NBAS: variants seen among roughly 807,000 people sequenced by gnomAD.
NBAS encodes the protein NBAS subunit of NRZ tethering complex, also known as NAG/BC035112 fusion.
NBAS carries 219 observed loss-of-function variants against 302.5 expected under a neutral mutation model. The ratio of observed to expected loss-of-function variants is 0.72; its 90% CI spans 0.65 to 0.81. NBAS has a LOEUF of 0.81. NBAS is among the 30% of genes least tolerant of loss of function. NBAS has a pLI of 0.00. For missense variants in NBAS, 2,932 were observed against 2,841.6 expected (o/e 1.03, Z -0.72); for synonymous variants, 1,118 against 1,021.6 (o/e 1.09, Z -1.80).
chr2:14,882,538 T>C, the NBAS span, among the ~76,000 whole-genome samples: 20 of 152,254 alleles, frequency 1.3e-4, no homozygotes, highest in African/African-American at 4.3e-4. Flanking sequence ...TCTCAGGCAA[T>C]GCATTTTCAC....
At chr2:14,814,170 C>A in the NBAS span, among the ~76,000 whole-genome samples, 8 of 152,328 alleles carry the variant, frequency 5.3e-5, no homozygotes, top group South Asian at 1.7e-3. Flanking sequence ...AGAACCTCTA[C>A]CAGATCAGTG....
chr2:15,303,609 G>A (rs531349472), intron 40 of NBAS, among the ~76,000 whole-genome samples: 1 of 152,108 alleles, frequency 6.6e-6, no homozygotes, highest in East Asian at 1.9e-4. Context: ...TGGAAAGAGT[G>A]GTGGCCAGAT....
At chr2:14,807,875 G>A in the NBAS span, among the ~76,000 whole-genome samples, 2 of 152,092 alleles carry the variant, frequency 1.3e-5, no homozygotes, top group Non-Finnish European at 2.9e-5. Flanking sequence ...CACAGTAGAT[G>A]TTGCAAAGGG....
At chr2:15,365,354 T>C (rs1282813975) in intron 32 of NBAS, among the ~76,000 whole-genome samples, 2 of 152,220 alleles carry the variant, frequency 1.3e-5, no homozygotes, top group African/African-American at 2.4e-5. Flanking sequence ...TGGATCCTTA[T>C]GGAATATTCC....
chr2:15,404,730 T>C lies in NBAS; in HGVS notation c.2938-2429A>G, dbSNP rs114568832. Among the ~76,000 whole-genome samples the C allele has an allele frequency of 6.7e-3, 1,023 of 151,978 alleles. 12 individuals are homozygous for C. The highest frequency in any genetic ancestry group is 0.022 in the African/African-American group (924 of 41,468). ...CTTTCACCATGTTGGCCAGGCTGGT[T>C]TCCAACTCTTGACCTAAGGTGATTC... On this transcript the variant is annotated intron_variant, in intron 25 of 51. Coordinates refer to ENST00000281513, the MANE Select transcript of NBAS (RefSeq NM_015909.4).
intron 44 of NBAS, among the ~76,000 whole-genome samples, chr2:15,253,301 G>T (rs888894355): frequency 6.6e-6 from 1 of 152,112 alleles, no homozygotes; most frequent in Non-Finnish European, 1.5e-5. Flanking sequence ...CATCCCAGGA[G>T]TTCAATCACC....
the NBAS span, among the ~76,000 whole-genome samples, chr2:14,997,977 C>G: frequency 1.3e-5 from 2 of 152,076 alleles, no homozygotes; most frequent in South Asian, 4.1e-4. Flanking sequence ...CTGTTCCTTT[C>G]TCCTCGCTTT....
intron 28 of NBAS, among the ~76,000 whole-genome samples, chr2:15,385,045 T>C (rs1380534506): frequency 6.6e-6 from 1 of 152,238 alleles, no homozygotes; most frequent in East Asian, 1.9e-4. Flanking sequence ...CATGCTTCAT[T>C]TGCCTATGCA....
chr2:15,034,552 C>A, the NBAS span, among the ~76,000 whole-genome samples: 2 of 152,126 alleles, frequency 1.3e-5, no homozygotes, highest in Admixed American at 6.5e-5. Context: ...CAAGCCTTGA[C>A]AAAAAGCAAA....
chr2:15,385,005 A>AT (rs1026968366), intron 28 of NBAS, among the ~76,000 whole-genome samples: 1 of 152,026 alleles, frequency 6.6e-6, no homozygotes, highest in African/African-American at 2.4e-5. Context: ...AGTCTTTAAA[A>AT]TTTTTTTCTC....
chr2:15,167,749 G>C (rs1218822989), intron 51 of NBAS, among the ~76,000 whole-genome samples: 1 of 152,206 alleles, frequency 6.6e-6, no homozygotes, highest in Non-Finnish European at 1.5e-5. Context: ...TGACATCAAA[G>C]TCTGTGCTCT....
At chr2:15,518,661 C>T (rs76327209) in intron 9 of NBAS, among the ~76,000 whole-genome samples, 1 of 152,034 alleles carries the variant, frequency 6.6e-6, no homozygotes, top group South Asian at 2.1e-4. Context: ...TTATATTACC[C>T]AATAATCTTT....
chr2:15,515,262 T>C (rs772288071), intron 9 of NBAS, among the ~76,000 whole-genome samples: 2 of 150,602 alleles, frequency 1.3e-5, no homozygotes, highest in African/African-American at 4.9e-5. Context: ...GAAGAACACA[T>C]GGGAGCATGA....
chr2:15,471,590 G>T (rs1679957756), intron 16 of NBAS, among the ~76,000 whole-genome samples: 1 of 152,090 alleles, frequency 6.6e-6, no homozygotes, highest in Admixed American at 6.5e-5. Context: ...TTCTTACAAA[G>T]ATGCCAAAGG....
chr2:15,218,892 GC>G lies in NBAS; in HGVS notation c.6312del (p.Arg2106AlafsTer14), dbSNP rs1343339242. 6.2e-7 allele frequency: 1 copy of G among 1,614,260 alleles called. No individual in the cohort carries two copies. Among genetic ancestry groups the G allele is most frequent in the Non-Finnish European group, 8.5e-7 (1 of 1,180,052 alleles). On this transcript the variant is annotated frameshift_variant, in exon 48 of 52. Transcript: ENST00000281513. LOFTEE classifies it high-confidence loss of function. ...AAAATCTGCAGCACGTGAATGCGGG[GC>G]CGCACCGGCCAGGCGTCATCAGCAC... Reference protein sequence around the residue: ...PFCADDAWPVRPRIHVLQILG... With the variant: ...PFCADDAWPVXPRIHVLQILG...
chr2:14,830,068 T>C, the NBAS span, among the ~76,000 whole-genome samples: 37 of 152,314 alleles, frequency 2.4e-4, no homozygotes, highest in Middle Eastern at 6.8e-3. Flanking sequence ...GGGATACAGA[T>C]TTTATTTCTT....
chr2:15,036,863 C>T, the NBAS span, among the ~76,000 whole-genome samples: 3 of 152,204 alleles, frequency 2.0e-5, no homozygotes, highest in East Asian at 5.8e-4. Context: ...ATGTAGAGGA[C>T]ACAAAGTATC....
chr2:15,061,434 T>C, the NBAS span, among the ~76,000 whole-genome samples: 2 of 152,216 alleles, frequency 1.3e-5, no homozygotes, highest in South Asian at 2.1e-4. Flanking sequence ...GCTTGGCACA[T>C]AGTGACTATC....
At chr2:15,390,436 T>C (rs1675534833) in intron 28 of NBAS, among the ~76,000 whole-genome samples, 1 of 152,144 alleles carries the variant, frequency 6.6e-6, no homozygotes, top group Admixed American at 6.5e-5. Context: ...GTGGTTACTA[T>C]AAAGGGTTGG....
Sources: gnomAD v4.1 joint callset for allele counts (sites outside exome capture counted in the v4.1 genomes callset) on GRCh38, gnomAD v4.1.1 for gene constraint, MANE v1.5 for transcripts, NCBI Gene and HGNC (gene_info 2026-07-23, HGNC 2026-07-21) for gene names.